NSG2: variants seen among roughly 807,000 people sequenced by gnomAD.
The protein encoded by NSG2 is neuronal vesicle trafficking-associated protein 2.
In NSG2, 4 loss-of-function variants were observed where a neutral mutation model predicts 16.9. The ratio of observed to expected loss-of-function variants is 0.24; its 90% CI spans 0.12 to 0.54. The LOEUF (loss-of-function observed/expected upper bound fraction) is 0.54. NSG2 is among the 20% of genes least tolerant of loss of function. The pLI, the probability that NSG2 is intolerant of heterozygous loss-of-function variation, is 0.95. For missense variants in NSG2, 179 were observed against 221.1 expected (o/e 0.81, Z 1.21); for synonymous variants, 98 against 88.7 (o/e 1.11, Z -0.59).
intron 3 of NSG2, among the ~76,000 whole-genome samples, chr5:174,093,716 C>T (rs781707881): frequency 1.3e-5 from 2 of 152,120 alleles, no homozygotes; most frequent in Admixed American, 1.3e-4. Flanking sequence ...TCTGTTTGGC[C>T]GCCCTGTTTT....
chr5:174,087,440 G>GA lies in NSG2; in HGVS notation c.214-16783dup, dbSNP rs553401914. Among the ~76,000 whole-genome samples the GA allele has an allele frequency of 1.6e-4, 24 of 152,160 alleles. No homozygotes were observed. In the East Asian group the frequency reaches 4.1e-3, roughly 26 times the overall value. On this transcript the variant is annotated intron_variant, in intron 3 of 4. Coordinates refer to ENST00000303177, the MANE Select transcript of NSG2 (RefSeq NM_015980.5). Reference sequence around the variant, plus strand: ...TTCATTTTCTTCATGTATAAAACAGGAAAAATGACAGGCTCTACCTTATAG... The same window carrying GA: ...TTCATTTTCTTCATGTATAAAACAGGAAAAAATGACAGGCTCTACCTTATAG...
chr5:174,085,941 G>A (rs558969126), intron 3 of NSG2, among the ~76,000 whole-genome samples: 3 of 152,314 alleles, frequency 2.0e-5, no homozygotes, highest in South Asian at 2.1e-4. Context: ...AGCAATGCAC[G>A]CAAAGCCCAG....
intron 3 of NSG2, among the ~76,000 whole-genome samples, chr5:174,094,861 G>C (rs1466435796): frequency 6.6e-6 from 1 of 152,180 alleles, no homozygotes; most frequent in African/African-American, 2.4e-5. Context: ...GTGTGGGCTA[G>C]GGAATGAATT....
At chr5:174,093,280 G>T (rs1048736796) in intron 3 of NSG2, among the ~76,000 whole-genome samples, 1 of 152,140 alleles carries the variant, frequency 6.6e-6, no homozygotes, top group Non-Finnish European at 1.5e-5. Flanking sequence ...AGGCATTCCC[G>T]GGAAAGGCTG....
intron 3 of NSG2, among the ~76,000 whole-genome samples, chr5:174,088,831 C>A (rs1248184832): frequency 1.3e-5 from 2 of 152,188 alleles, no homozygotes; most frequent in African/African-American, 2.4e-5. Context: ...GGGTGGGAAT[C>A]TCAGCAAGGG....
intron 3 of NSG2, among the ~76,000 whole-genome samples, chr5:174,103,380 TGACATATTC>T (rs1313086102): frequency 1.3e-5 from 2 of 152,084 alleles, no homozygotes; most frequent in African/African-American, 4.8e-5. Context: ...AATGTGAAAT[TGACATATTC>T]TGAGATGAAG....
intron 2 of NSG2, among the ~76,000 whole-genome samples, chr5:174,059,689 C>T (rs534035623): frequency 3.9e-5 from 6 of 152,216 alleles, no homozygotes; most frequent in South Asian, 4.2e-4. Flanking sequence ...GGTGCAATCC[C>T]GGGGTAGGAT....
At position 174,072,632 on chromosome 5, in the gene NSG2, C is replaced by T. The variant is rs918361686; in HGVS notation, c.213+8317C>T. Among the ~76,000 whole-genome samples the T allele has an allele frequency of 6.6e-6, 1 of 152,222 alleles. No individual in the cohort carries two copies. Among genetic ancestry groups the T allele is most frequent in the East Asian group, 1.9e-4 (1 of 5,194 alleles). ...GGACCAGGAGCTCTTGTACCCTTCT[C>T]TGTACCCTAAGAAGCTAGCCAGCAC... On this transcript the variant is annotated intron_variant, in intron 3 of 4. Coordinates refer to ENST00000303177, the MANE Select transcript of NSG2 (RefSeq NM_015980.5). The surrounding 1 kb of genome is among the most constrained non-coding windows in gnomAD (Gnocchi z 4.0).
At chr5:174,081,624 A>T (rs1414661340) in intron 3 of NSG2, 1 of 152,064 alleles carries the variant, frequency 6.6e-6, no homozygotes, top group African/African-American at 2.4e-5. Flanking sequence ...CTGCCTCTGT[A>T]AAAAGAATGT....
intron 3 of NSG2, among the ~76,000 whole-genome samples, chr5:174,096,806 G>A (rs80157280): frequency 0.023 from 3,554 of 152,262 alleles, 141 homozygotes; most frequent in African/African-American, 0.081. Flanking sequence ...GGGGAAAAGT[G>A]GAGGCAGGGG....
intron 2 of NSG2, chr5:174,056,658 C>T (rs1408109644): frequency 6.6e-6 from 1 of 152,232 alleles, no homozygotes; most frequent in Admixed American, 6.5e-5. Flanking sequence ...CATTTATTGT[C>T]CTGGCTCTGA....
intron 3 of NSG2, among the ~76,000 whole-genome samples, chr5:174,077,741 T>G (rs1474655522): frequency 2.0e-5 from 3 of 152,072 alleles, no homozygotes; most frequent in Middle Eastern, 3.2e-3. Flanking sequence ...TTATTTCCTT[T>G]CCTGCGTTTT....
At chr5:174,106,118 C>T (rs1760975324) in intron 4 of NSG2, among the ~76,000 whole-genome samples, 1 of 152,026 alleles carries the variant, frequency 6.6e-6, no homozygotes, top group Non-Finnish European at 1.5e-5. Context: ...GAGGAGAGTG[C>T]TATTTGCTTA....
intron 2 of NSG2, among the ~76,000 whole-genome samples, chr5:174,049,382 G>T (rs1759852027): frequency 6.6e-6 from 1 of 152,052 alleles, no homozygotes; most frequent in South Asian, 2.1e-4. Flanking sequence ...CAAACTACAA[G>T]AGAATAGCGT....
At chr5:174,066,858 C>T (rs1427810454) in intron 3 of NSG2, among the ~76,000 whole-genome samples, 10 of 150,644 alleles carry the variant, frequency 6.6e-5, no homozygotes, top group Non-Finnish European at 1.0e-4. Context: ...GGCGTAGTGG[C>T]GGGCGCCTGT....
chr5:174,080,550 T>TC, intron 3 of NSG2, among the ~76,000 whole-genome samples: 1 of 143,956 alleles, frequency 6.9e-6, no homozygotes, highest in Non-Finnish European at 1.5e-5. Context: ...TCTCTCTCTC[T>TC]TTCTTTTCTT....
intron 3 of NSG2, among the ~76,000 whole-genome samples, chr5:174,087,704 CTT>C (rs1760653645): frequency 6.6e-6 from 1 of 151,748 alleles, no homozygotes; most frequent in Admixed American, 6.6e-5. Flanking sequence ...GGGAGGATCG[CTT>C]GTGCCTGGGA....
chr5:174,086,492 A>T (rs951763560), intron 3 of NSG2: 7 of 152,240 alleles, frequency 4.6e-5, no homozygotes, highest in African/African-American at 1.7e-4. Context: ...CCTGTCAATG[A>T]GGCAGGTTCC....
chr5:174,078,838 T>C (rs1399257498), intron 3 of NSG2, among the ~76,000 whole-genome samples: 1 of 152,210 alleles, frequency 6.6e-6, no homozygotes, highest in African/African-American at 2.4e-5. Context: ...GGTGCCTTCA[T>C]CTTAGGTCTC....
Sources: allele counts gnomAD v4.1 joint callset (sites outside exome capture counted in the v4.1 genomes callset), GRCh38; gene constraint gnomAD v4.1.1; non-coding constraint Gnocchi (gnomAD v3.1); transcripts MANE v1.5; gene names NCBI Gene and HGNC (gene_info 2026-07-23, HGNC 2026-07-21).